Variants in THSD7A observed in about 807,000 individuals in gnomAD.
The protein encoded by THSD7A is thrombospondin type 1 domain containing 7A.
THSD7A carries 96 observed loss-of-function variants against 231.3 expected under a neutral mutation model. The observed-to-expected ratio is 0.41, with a 90% CI of 0.35 to 0.49. The LOEUF (loss-of-function observed/expected upper bound fraction) is 0.49, where lower values mean the gene tolerates loss of function less well. THSD7A is among the 20% of genes least tolerant of loss of function. The pLI is 0.05. For missense variants in THSD7A, 2,290 were observed against 2,070.2 expected, an observed-to-expected ratio of 1.11 and a Z score of -2.06; for synonymous variants, 940 against 743.3, an observed-to-expected ratio of 1.26 and a Z score of -4.30.
intron 4 of THSD7A, among the ~76,000 whole-genome samples, chr7:11,551,614 C>T (rs1270684999): frequency 6.6e-6 from 1 of 152,088 alleles, no homozygotes; most frequent in African/African-American, 2.4e-5. Context: ...CATCACTATT[C>T]ATCAGAGACA....
chr7:11,401,496 A>C (rs1463759655), intron 23 of THSD7A, among the ~76,000 whole-genome samples: 2 of 152,232 alleles, frequency 1.3e-5, no homozygotes, highest in East Asian at 3.9e-4. Flanking sequence ...GGCTCACTGC[A>C]GTCTCTGGCC....
At chr7:11,685,151 T>G (rs887437800) in intron 1 of THSD7A, among the ~76,000 whole-genome samples, 1 of 151,928 alleles carries the variant, frequency 6.6e-6, no homozygotes, top group African/African-American at 2.4e-5. Context: ...TAAATGTTGC[T>G]AGAAAAACTG....
intron 14 of THSD7A, 50 bp from the exon 15 acceptor site, chr7:11,426,721 G>A: frequency 6.5e-7 from 1 of 1,537,480 alleles, no homozygotes; most frequent in South Asian, 1.2e-5. Flanking sequence ...AATAAGGTAG[G>A]TGAAAATGTC....
intron 13 of THSD7A, among the ~76,000 whole-genome samples, chr7:11,437,254 A>G (rs1041905177): frequency 6.6e-6 from 1 of 152,068 alleles, no homozygotes; most frequent in Non-Finnish European, 1.5e-5. Context: ...CCAGACATGA[A>G]TGGCAGCTGC....
chr7:11,686,417 G>C (rs983327893), intron 1 of THSD7A, among the ~76,000 whole-genome samples: 1 of 151,782 alleles, frequency 6.6e-6, no homozygotes, highest in Admixed American at 6.6e-5. Context: ...TAATGTTCTG[G>C]AGAAGATTGC....
At chr7:11,569,613 T>C (rs577682159) in intron 4 of THSD7A, among the ~76,000 whole-genome samples, 6 of 152,346 alleles carry the variant, frequency 3.9e-5, no homozygotes, top group Non-Finnish European at 7.3e-5. Flanking sequence ...AACAGTGTTG[T>C]GGTTTCTCAA....
intron 1 of THSD7A, among the ~76,000 whole-genome samples, chr7:11,709,849 C>T (rs2128148226): frequency 6.6e-6 from 1 of 150,882 alleles, no homozygotes; most frequent in South Asian, 2.1e-4. Context: ...TGCTATCTTT[C>T]CATTTGAGAC....
At chr7:11,542,745 C>T (rs1028943839) in intron 5 of THSD7A, among the ~76,000 whole-genome samples, 1 of 152,218 alleles carries the variant, frequency 6.6e-6, no homozygotes, top group Non-Finnish European at 1.5e-5. Context: ...TCCTCTCCAT[C>T]ATGTTGTCTA....
At chr7:11,778,923 A>G (rs1194389995) in intron 1 of THSD7A, among the ~76,000 whole-genome samples, 3 of 152,140 alleles carry the variant, frequency 2.0e-5, no homozygotes, top group Non-Finnish European at 4.4e-5. Flanking sequence ...ACTTTTACAT[A>G]CTTTATCTTA....
chr7:11,553,554 G>T (rs1161204264), intron 4 of THSD7A, among the ~76,000 whole-genome samples: 1 of 152,018 alleles, frequency 6.6e-6, no homozygotes, highest in Non-Finnish European at 1.5e-5. Context: ...TTAAGAAATG[G>T]TTCTTCAGCC....
rs1030867773 is a variant in THSD7A, at chr7:11,373,748, T to G, written c.*2046A>C. 7.2e-5 allele frequency: 11 copies of G among 152,028 alleles called. No individual in the cohort carries two copies. The highest frequency in any genetic ancestry group is 2.7e-4 in the African/African-American group (11 of 41,426). The allele number at this position is 152,028 out of a possible 1,614,324, so 9.4% of individuals were successfully genotyped here. A position where few individuals can be genotyped will look rare whatever the true frequency, so the allele number is the denominator to read the frequency against. On this transcript the variant is annotated 3_prime_UTR_variant, in exon 28 of 28. Transcript: ENST00000423059. The stretch of plus-strand genomic sequence containing the variant: ...AATGAACAGCAGGGGGAGTTCATAC[T>G]CCAGTATGAAGGTAAAAATACCTTC...
rs569652734 is a variant in THSD7A, at chr7:11,616,266, T to A, written c.1022+19864A>T. 3.9e-5 allele frequency among the ~76,000 whole-genome samples: 6 copies of A among 152,290 alleles called. No individual in the cohort carries two copies. In the South Asian group the frequency reaches 1.2e-3, roughly 32 times the overall value. ...TTCATAAAGTTGTTATGGTTCTCAA[T>A]CTCTCTGCTTCCAGGAGGAAGACCC... On this transcript the variant is annotated intron_variant, in intron 2 of 27. Coordinates refer to ENST00000423059, the MANE Select transcript of THSD7A (RefSeq NM_015204.3).
intron 1 of THSD7A, among the ~76,000 whole-genome samples, chr7:11,668,858 G>T (rs568829408): frequency 7.2e-5 from 11 of 152,244 alleles, no homozygotes; most frequent in Non-Finnish European, 1.3e-4. Context: ...GGGCGCTACT[G>T]GTTACTATAT....
chr7:11,444,748 A>G lies in THSD7A; in HGVS notation c.3064+1313T>C, dbSNP rs1359418905. Among the ~76,000 whole-genome samples, 1 of 150,746 alleles carries G rather than the reference A, an allele frequency of 6.6e-6. No individual in the cohort carries two copies. Among genetic ancestry groups the G allele is most frequent in the African/African-American group, 2.4e-5 (1 of 40,904 alleles). On this transcript the variant is annotated intron_variant, in intron 13 of 27. Transcript: ENST00000423059. The surrounding 1 kb of genome is among the most constrained non-coding windows in gnomAD (Gnocchi z 4.2). ...ACATGTATCCCAGAACTTAAAGTAT[A>G]ACAAAAAAAAAGAGAGGGGGCACAG...
At chr7:11,704,427 C>G (rs926044019) in intron 1 of THSD7A, among the ~76,000 whole-genome samples, 4 of 150,720 alleles carry the variant, frequency 2.7e-5, no homozygotes, top group African/African-American at 9.7e-5. Context: ...TGACATAACC[C>G]TATGGGGAAA....
intron 2 of THSD7A, among the ~76,000 whole-genome samples, chr7:11,620,007 C>T (rs1394031916): frequency 7.9e-5 from 12 of 152,106 alleles, no homozygotes; most frequent in Non-Finnish European, 1.6e-4. Context: ...TAGTCTACTT[C>T]TCTCAGATAA....
At chr7:11,529,632 G>C (rs909603390) in intron 6 of THSD7A, among the ~76,000 whole-genome samples, 1 of 151,778 alleles carries the variant, frequency 6.6e-6, no homozygotes, top group Admixed American at 6.6e-5. Flanking sequence ...GCCATATAAG[G>C]CATGCCTTGC....
At chr7:11,744,655 A>G (rs559416586) in intron 1 of THSD7A, among the ~76,000 whole-genome samples, 2 of 130,452 alleles carry the variant, frequency 1.5e-5, no homozygotes, top group African/African-American at 5.9e-5. Flanking sequence ...ATGTGTTCTC[A>G]TTGTTCAATT....
At chr7:11,791,548 C>G (rs1207112286) in intron 1 of THSD7A, among the ~76,000 whole-genome samples, 1 of 151,854 alleles carries the variant, frequency 6.6e-6, no homozygotes, top group South Asian at 2.1e-4. Context: ...CATGGTGAGG[C>G]CTTATCTTGC....
Sources: gnomAD v4.1 joint callset for allele counts (sites outside exome capture counted in the v4.1 genomes callset) on GRCh38, gnomAD v4.1.1 for gene constraint, Gnocchi (gnomAD v3.1) non-coding constraint, MANE v1.5 for transcripts, NCBI Gene and HGNC (gene_info 2026-07-23, HGNC 2026-07-21) for gene names.